The following THAP8 variants were observed in gnomAD, a reference collection of about 807,000 sequenced individuals.
The protein encoded by THAP8 is THAP domain containing 8.
Under a neutral mutation model 25.0 loss-of-function variants are expected in THAP8, and 24 were observed. The ratio of observed to expected loss-of-function variants is 0.96; its 90% CI spans 0.69 to 1.35. THAP8 has a LOEUF of 1.35. Ranked by LOEUF, THAP8 falls within the 40% of genes most tolerant of loss-of-function variation. The probability of loss-of-function intolerance (pLI) is 0.00; values close to 1 mark genes in which losing one functional copy is unlikely to be tolerated. For missense variants in THAP8, 399 were observed against 368.8 expected, an observed-to-expected ratio of 1.08 and a Z score of -0.67; for synonymous variants, 169 against 157.6, an observed-to-expected ratio of 1.07 and a Z score of -0.54.
intron 1 of THAP8, among the ~76,000 whole-genome samples, chr19:36,046,597 A>G (rs765023528): frequency 5.9e-5 from 9 of 152,326 alleles, no homozygotes; most frequent in Non-Finnish European, 8.8e-5. Flanking sequence ...GCACACAGCC[A>G]GGGAGTCTGG....
At chr19:36,045,262 G>A (rs1969839787) in intron 1 of THAP8, among the ~76,000 whole-genome samples, 1 of 150,918 alleles carries the variant, frequency 6.6e-6, no homozygotes, top group Admixed American at 6.6e-5. Context: ...TAATTTTTTT[G>A]TATATTTATT....
At position 36,039,380 on chromosome 19, in the gene THAP8, T is replaced by G. The variant is rs774250773; in HGVS notation, c.615A>C (p.Ala205=). Residue 205 remains alanine, a synonymous_variant, in exon 3 of 4, where the codon GCA becomes GCC. Coordinates refer to ENST00000292894, the MANE Select transcript of THAP8 (RefSeq NM_152658.3). The stretch of plus-strand genomic sequence containing the variant: ...GCAGGCTCTCCCCGTGTAGCTGCTG[T>G]GCCAGCCGTTCCAGGGCCTGCAGCT... ...QAQLQALERL[A]QQLHGESLLA... is the part of the protein sequence containing the mutation. 4.5e-6 allele frequency: 7 copies of G among 1,539,280 alleles called. No homozygotes were observed. The highest frequency in any genetic ancestry group is 5.2e-6 in the Non-Finnish European group (6 of 1,146,772).
intron 1 of THAP8, among the ~76,000 whole-genome samples, chr19:36,053,843 A>C (rs1970174762): frequency 6.6e-6 from 1 of 152,122 alleles, no homozygotes; most frequent in South Asian, 2.1e-4. Context: ...GGGGAGGGCA[A>C]GTGGGCATCT....
chr19:36,040,408 C>T (rs1969651438), intron 1 of THAP8, among the ~76,000 whole-genome samples: 1 of 152,122 alleles, frequency 6.6e-6, no homozygotes, highest in South Asian at 2.1e-4. Context: ...CTCACTACAA[C>T]CTCCGCCTCC....
intron 1 of THAP8, among the ~76,000 whole-genome samples, chr19:36,046,969 G>A (rs1029279467): frequency 1.3e-5 from 2 of 152,110 alleles, no homozygotes; most frequent in Non-Finnish European, 2.9e-5. Context: ...AAAGAGCAAA[G>A]GAAAAAAGTC....
chr19:36,051,576 G>A (rs1225645363), intron 1 of THAP8, among the ~76,000 whole-genome samples: 5 of 152,144 alleles, frequency 3.3e-5, no homozygotes, highest in Admixed American at 6.5e-5. Context: ...AGGAAGAGGA[G>A]AGGGTTAGAA....
Position 36,039,944 on chromosome 19 carries a change from C to T in THAP8, c.276G>A (p.Lys92=), listed in dbSNP as rs758896742. 1.2e-5 allele frequency: 19 copies of T among 1,612,744 alleles called. No individual in the cohort carries two copies. In the Admixed American group the frequency reaches 3.0e-4, roughly 25 times the overall value. ...PSIFSRGPPA[K]SQRRTRSTQK... ...AGCAGCAGGACCTCCCAGCGCTCACCTTGGCAGGTGGTCCCCGGGAGAAGA... is the reference window on the plus strand; with the variant it reads ...AGCAGCAGGACCTCCCAGCGCTCACTTTGGCAGGTGGTCCCCGGGAGAAGA... The change falls in exon 2 of 4, where the codon AAG becomes AAA. Residue 92 remains lysine (K), a splice_region_variant and synonymous_variant. Coordinates refer to ENST00000292894, the MANE Select transcript of THAP8 (RefSeq NM_152658.3).
intron 1 of THAP8, among the ~76,000 whole-genome samples, chr19:36,048,220 C>T (rs1969938927): frequency 6.6e-6 from 1 of 152,164 alleles, no homozygotes; most frequent in Non-Finnish European, 1.5e-5. Flanking sequence ...CACAAATGAC[C>T]TGCAAAGGAC....
intron 1 of THAP8, among the ~76,000 whole-genome samples, chr19:36,048,993 C>A (rs1423277288): frequency 6.6e-6 from 1 of 151,748 alleles, no homozygotes; most frequent in East Asian, 1.9e-4. Flanking sequence ...GACTTTGTTA[C>A]TACCAAGCAG....
intron 1 of THAP8, among the ~76,000 whole-genome samples, chr19:36,044,956 G>T (rs1969823733): frequency 6.6e-6 from 1 of 152,088 alleles, no homozygotes; most frequent in African/African-American, 2.4e-5. Context: ...CTATTGTCAG[G>T]CACACATTAT....
intron 3 of THAP8, among the ~76,000 whole-genome samples, chr19:36,037,608 GACA>G (rs1276515946): frequency 6.6e-6 from 1 of 152,080 alleles, no homozygotes; most frequent in Non-Finnish European, 1.5e-5. Flanking sequence ...GGAAGATAGA[GACA>G]ACAGCAGTAT....
intron 1 of THAP8, among the ~76,000 whole-genome samples, chr19:36,053,026 T>C (rs1204832294): frequency 6.6e-6 from 1 of 152,126 alleles, no homozygotes; most frequent in Non-Finnish European, 1.5e-5. Context: ...AGTTTGAGAC[T>C]AGACTGGACA....
intron 1 of THAP8, among the ~76,000 whole-genome samples, chr19:36,048,161 G>A (rs957547969): frequency 6.6e-6 from 1 of 152,138 alleles, no homozygotes; most frequent in Non-Finnish European, 1.5e-5. Flanking sequence ...TCCAAATAGG[G>A]ATAGTTTATT....
chr19:36,050,053 CAAA>C (rs1250976973), intron 1 of THAP8, among the ~76,000 whole-genome samples: 15 of 76,828 alleles, frequency 2.0e-4, no homozygotes, highest in Admixed American at 1.5e-4. Flanking sequence ...GACCCTGTCT[CAAA>C]AAAAAAAAAA....
intron 3 of THAP8, among the ~76,000 whole-genome samples, chr19:36,036,518 C>G (rs1167713743): frequency 6.6e-6 from 1 of 152,090 alleles, no homozygotes; most frequent in African/African-American, 2.4e-5. Context: ...CATCTACCTG[C>G]TTCAGCCTCC....
At chr19:36,043,389 G>A (rs148051345) in intron 1 of THAP8, among the ~76,000 whole-genome samples, 177 of 152,284 alleles carry the variant, frequency 1.2e-3, no homozygotes, top group African/African-American at 3.9e-3. Flanking sequence ...TGGTTGCCAA[G>A]AGCCTGGGGG....
intron 3 of THAP8, 64 bp from the exon 4 acceptor site, chr19:36,035,656 A>G (rs1783558724): frequency 3.2e-6 from 5 of 1,574,844 alleles, no homozygotes; most frequent in South Asian, 1.2e-5. Context: ...AGACAGACAG[A>G]TAACGGTGAG....
intron 1 of THAP8, among the ~76,000 whole-genome samples, chr19:36,050,977 G>GAAGAAAGACA (rs1414581143): frequency 6.6e-6 from 1 of 152,196 alleles, no homozygotes; most frequent in South Asian, 2.1e-4. Flanking sequence ...CAGGAGGAAA[G>GAAGAAAGACA]AAGAAAGACA....
chr19:36,039,379 G>A lies in THAP8; in HGVS notation c.616C>T (p.Gln206Ter), dbSNP rs769239712. The change falls in exon 3 of 4, where the codon CAG becomes TAG. Residue 206 changes from glutamine (Q) to a stop codon, truncating the protein, a stop_gained. Coordinates refer to ENST00000292894, the MANE Select transcript of THAP8 (RefSeq NM_152658.3). LOFTEE classifies it high-confidence loss of function. ...AQLQALERLA[Q>*]QLHGESLLAR... The stretch of plus-strand genomic sequence containing the variant: ...AGCAGGCTCTCCCCGTGTAGCTGCT[G>A]TGCCAGCCGTTCCAGGGCCTGCAGC... 4.5e-6 allele frequency: 7 copies of A among 1,539,090 alleles called. No individual in the cohort carries two copies. Among genetic ancestry groups the A allele is most frequent in the Non-Finnish European group, 5.2e-6 (6 of 1,146,774 alleles).
Sources: gnomAD v4.1 joint callset for allele counts (sites outside exome capture counted in the v4.1 genomes callset) on GRCh38, gnomAD v4.1.1 for gene constraint, MANE v1.5 for transcripts, NCBI Gene and HGNC (gene_info 2026-07-23, HGNC 2026-07-21) for gene names.